Variants in CAMSAP3 observed in about 807,000 individuals in gnomAD.
CAMSAP3 encodes calmodulin-regulated spectrin-associated protein 3.
CAMSAP3 carries 34 observed loss-of-function variants against 112.5 expected under a neutral mutation model. The observed-to-expected ratio is 0.30, with a 90% CI of 0.23 to 0.40. CAMSAP3 has a LOEUF of 0.40. Ranked by LOEUF, CAMSAP3 falls within the 10% of genes least tolerant of loss-of-function variation. The pLI, the probability that CAMSAP3 is intolerant of heterozygous loss-of-function variation, is 1.00. For synonymous variants in CAMSAP3, 868 were observed against 799.8 expected (o/e 1.09, Z -1.44); for missense variants, 1,602 against 1,770.3 (o/e 0.90, Z 1.71).
chr19:7,609,778 C>T (rs1341768964), intron 5 of CAMSAP3, among the ~76,000 whole-genome samples: 3 of 152,278 alleles, frequency 2.0e-5, no homozygotes, highest in East Asian at 1.9e-4. Context: ...GACAGATCAT[C>T]AGGCATTCGA....
Position 7,616,746 on chromosome 19 carries a change from A to T in CAMSAP3, c.3212+124A>T, listed in dbSNP as rs1467356021. On this transcript the variant is annotated intron_variant, in intron 14 of 16. Coordinates refer to ENST00000160298, the MANE Select transcript of CAMSAP3 (RefSeq NM_020902.2). ...TCGAGTTTATGGATACGCCATGAAG[A>T]GATGGAGGGACGCGTGTGGGCACGT... is the stretch of plus-strand genomic sequence containing the variant. 1.0e-5 allele frequency: 7 copies of T among 689,734 alleles called. No homozygotes were observed. The Admixed American group carries it at 1.5e-4, about 15-fold the overall frequency. 42.7% of individuals were successfully genotyped at this position (689,734 alleles called of 1,614,324 possible).
At chr19:7,606,734 G>A in intron 4 of CAMSAP3, 163 bp downstream of exon 4, 1 of 1,613,416 alleles carries the variant, frequency 6.2e-7, no homozygotes, top group East Asian at 2.2e-5. Context: ...CCCGTCCCCT[G>A]TGCCGGTACC....
chr19:7,595,904 G>A lies in CAMSAP3; in HGVS notation c.-99G>A, dbSNP rs1331228867. The stretch of plus-strand genomic sequence containing the variant: ...CGGCGGCGGCGGCGGCGGCGGCAGC[G>A]GCGGTAGCAGCAGCGGGCCCGGCTG... On this transcript the variant is annotated 5_prime_UTR_variant, in exon 1 of 17. Coordinates refer to ENST00000160298, the MANE Select transcript of CAMSAP3 (RefSeq NM_020902.2). The A allele has an allele frequency of 2.8e-4, 148 of 533,752 alleles. No homozygotes were observed. The highest frequency in any genetic ancestry group is 1.1e-3 in the South Asian group (15 of 13,194). The allele number at this position is 533,752 out of a possible 1,614,324, so 33.1% of individuals were successfully genotyped here.
Position 7,615,602 on chromosome 19 carries a change from C to T in CAMSAP3, c.2995C>T (p.Arg999Trp). 6.8e-7 allele frequency: 1 copy of T among 1,468,882 alleles called. No individual in the cohort carries two copies. The highest frequency in any genetic ancestry group is 2.6e-5 in the East Asian group (1 of 38,614). 91.0% of individuals were successfully genotyped at this position (1,468,882 alleles called of 1,614,324 possible). The stretch of plus-strand genomic sequence containing the variant: ...GATGGACGACCTCGATAAGGTGCTG[C>T]GGCCCCGGGCTGCGGGGTCCGGGGG... Reference protein sequence around the residue: ...KLMDDLDKVLRPRAAGSGGPG... With the variant: ...KLMDDLDKVLWPRAAGSGGPG... Residue 999 changes from arginine to tryptophan, a missense_variant, in exon 13 of 17, where the codon CGG becomes TGG. Physicochemically the swap from Arg to Trp is moderately radical, Grantham distance 101. Transcript: ENST00000160298. The surrounding 1 kb of genome is among the most constrained non-coding windows in gnomAD (Gnocchi z 6.5).
rs1291640198 is a variant in CAMSAP3 at position 7,606,622 on chromosome 19, G to A, written c.621+51G>A. The A allele has an allele frequency of 4.6e-6, 7 of 1,522,512 alleles. No homozygotes were observed. In the South Asian group the frequency reaches 8.4e-5, roughly 18 times the overall value. 94.3% of individuals were successfully genotyped at this position (1,522,512 alleles called of 1,614,324 possible). ...GAAGGATGGGGGACCGGAGATCTGGGAGGGCAGGGCTGTGCTTCCTGGACA... is the reference window on the plus strand; with the variant it reads ...GAAGGATGGGGGACCGGAGATCTGGAAGGGCAGGGCTGTGCTTCCTGGACA... On this transcript the variant is annotated intron_variant, in intron 4 of 16. Transcript: ENST00000160298.
chr19:7,614,878 T>G, intron 11 of CAMSAP3: 1 of 507,632 alleles, frequency 2.0e-6, no homozygotes, highest in South Asian at 2.2e-5. Flanking sequence ...GCCGGGGTCC[T>G]CCCGCAGTGT....
chr19:7,607,974 C>T lies in CAMSAP3; in HGVS notation c.622-152C>T. The T allele has an allele frequency of 1.1e-6, 1 of 951,708 alleles. No homozygotes were observed. The highest frequency in any genetic ancestry group is 2.6e-4 in the Middle Eastern group (1 of 3,784). The allele number at this position is 951,708 out of a possible 1,614,324, so 59.0% of individuals were successfully genotyped here. A position where few individuals can be genotyped will look rare whatever the true frequency, so the allele number is the denominator to read the frequency against. Reference sequence around the variant, plus strand: ...CTCTGCCTCTTGCTGCTGCCCCTCCCCTGCTCCAGGCTGGCCCCCCAACTC... The same window carrying T: ...CTCTGCCTCTTGCTGCTGCCCCTCCTCTGCTCCAGGCTGGCCCCCCAACTC... On this transcript the variant is annotated intron_variant, in intron 4 of 16. Transcript: ENST00000160298. This position sits in a 1 kb window ranked among gnomAD's most constrained non-coding sequence, Gnocchi z 4.9.
At chr19:7,596,278 C>T in intron 1 of CAMSAP3, 128 bp downstream of exon 1, 1 of 350,000 alleles carries the variant, frequency 2.9e-6, no homozygotes, top group Non-Finnish European at 4.1e-6. Flanking sequence ...CCGGGGGTCC[C>T]CGGGCTCGGG....
At position 7,606,393 on chromosome 19, in the gene CAMSAP3, G is replaced by A; in HGVS notation, c.525G>A (p.Thr175=). The part of the protein sequence containing the change: ...LEHKLLFWVD[T]TVRRLQEKTE... Reference sequence around the variant, plus strand: ...ACAAGCTGCTTTTCTGGGTGGACACGGTAGGTGGGGTTGGGCCTGGGGTGG... The same window carrying A: ...ACAAGCTGCTTTTCTGGGTGGACACAGTAGGTGGGGTTGGGCCTGGGGTGG... The change falls in exon 3 of 17, where the codon ACG becomes ACA. Residue 175 remains threonine (T), a splice_region_variant and synonymous_variant. Coordinates refer to ENST00000160298, the MANE Select transcript of CAMSAP3 (RefSeq NM_020902.2). The A allele has an allele frequency of 2.5e-6, 4 of 1,613,650 alleles. No individual in the cohort carries two copies. Among genetic ancestry groups the A allele is most frequent in the Non-Finnish European group, 3.4e-6 (4 of 1,180,006 alleles).
chr19:7,607,108 G>C lies in CAMSAP3; in HGVS notation c.621+537G>C, dbSNP rs1225722483. On this transcript the variant is annotated intron_variant, in intron 4 of 16. Coordinates refer to ENST00000160298, the MANE Select transcript of CAMSAP3 (RefSeq NM_020902.2). This position sits in a 1 kb window ranked among gnomAD's most constrained non-coding sequence, Gnocchi z 4.9. Reference sequence around the variant, plus strand: ...CCCTCCCCGTTCCCATTAATGAAGAGGGTGGGACCCCCTGAACCTGTCCCC... The same window carrying C: ...CCCTCCCCGTTCCCATTAATGAAGACGGTGGGACCCCCTGAACCTGTCCCC... Among the ~76,000 whole-genome samples, 4 of 152,130 alleles carry C rather than the reference G, an allele frequency of 2.6e-5. No individual in the cohort carries two copies.
intron 1 of CAMSAP3, among the ~76,000 whole-genome samples, chr19:7,598,210 AG>A (rs2024476635): frequency 6.6e-6 from 1 of 152,154 alleles, no homozygotes; most frequent in East Asian, 1.9e-4. Context: ...GAGATCCCAC[AG>A]GTGGAAAGAT....
At chr19:7,601,423 AT>A (rs1277564031) in intron 1 of CAMSAP3, among the ~76,000 whole-genome samples, 4 of 151,928 alleles carry the variant, frequency 2.6e-5, no homozygotes, top group African/African-American at 9.7e-5. Flanking sequence ...GGTTCAAGTG[AT>A]TCTCGTGCCT....
In CAMSAP3 at chr19:7,612,708, C is replaced by T. The variant is rs1221261462; in HGVS notation, c.2215C>T (p.Pro739Ser). Residue 739 changes from proline (P) to serine (S), a missense_variant, in exon 11 of 17, where the codon CCA (proline) becomes TCA (serine). Physicochemically the swap from Pro to Ser is moderately conservative, Grantham distance 74 (BLOSUM62 -1). Around this residue, in one of 6 missense-constraint regions of CAMSAP3, gnomAD observed 1,100 missense variants for 1,135.7 expected, o/e 0.97. Coordinates refer to ENST00000160298, the MANE Select transcript of CAMSAP3 (RefSeq NM_020902.2). ...APPEAPGSAP[P>S]PAAWVIPGPT... The stretch of plus-strand genomic sequence containing the variant: ...GCCCGAGGCCCCCGGATCCGCCCCA[C>T]CACCTGCTGCGTGGGTCATCCCTGG... 2.6e-6 allele frequency: 4 copies of T among 1,525,134 alleles called. No homozygotes were observed. Among genetic ancestry groups the T allele is most frequent in the Non-Finnish European group, 8.8e-7 (1 of 1,140,296 alleles). The allele number at this position is 1,525,134 out of a possible 1,614,324, so 94.5% of individuals were successfully genotyped here.
At position 7,605,346 on chromosome 19, in the gene CAMSAP3, A is replaced by G; in HGVS notation, c.269A>G (p.Gln90Arg). 3.7e-6 allele frequency: 6 copies of G among 1,607,636 alleles called. No homozygotes were observed. The highest frequency in any genetic ancestry group is 5.1e-6 in the Non-Finnish European group (6 of 1,176,680). ...GAGCTCTACTGCAGAGCCTGGCGCC[A>G]GGCACTGCCACAGCTTGAAACACCC... Reference protein sequence around the residue: ...SAELYCRAWRQALPQLETPPN... With the variant: ...SAELYCRAWRRALPQLETPPN... The change falls in exon 2 of 17, where the codon CAG becomes CGG. Residue 90 changes from glutamine to arginine, a missense_variant. By Grantham distance (43) the Gln-to-Arg change is conservative (BLOSUM62 1). This residue lies in a region of CAMSAP3 where 147 missense variants were observed against 144.6 expected (regional missense o/e 1.02). Transcript: ENST00000160298.
At position 7,612,889 on chromosome 19, in the gene CAMSAP3, C is replaced by A; in HGVS notation, c.2396C>A (p.Thr799Lys). ...LRLAPLTRVL[T>K]PPHDVDSLPH... ...CTGGCACCCTTGACCAGGGTGCTTA[C>A]GCCACCCCACGACGTAGACAGCCTC... The change falls in exon 11 of 17, where the codon ACG (threonine) becomes AAG (lysine). Residue 799 changes from threonine to lysine, a missense_variant. Physicochemically the swap from Thr to Lys is moderately conservative, Grantham distance 78 (BLOSUM62 -1). Transcript: ENST00000160298. 6.2e-7 allele frequency: 1 copy of A among 1,607,902 alleles called. No individual in the cohort carries two copies. The highest frequency in any genetic ancestry group is 8.5e-7 in the Non-Finnish European group (1 of 1,178,710).
At chr19:7,604,134 C>CA (rs1450509954) in intron 1 of CAMSAP3, among the ~76,000 whole-genome samples, 2 of 152,044 alleles carry the variant, frequency 1.3e-5, no homozygotes, top group African/African-American at 4.8e-5. Context: ...CTCTTATCTC[C>CA]AAAAAACCGC....
chr19:7,608,206 T>C lies in CAMSAP3; in HGVS notation c.702T>C (p.Ser234=). The C allele has an allele frequency of 6.2e-7, 1 of 1,612,668 alleles. No individual in the cohort carries two copies. Among genetic ancestry groups the C allele is most frequent in the Non-Finnish European group, 8.5e-7 (1 of 1,179,924 alleles). Reference sequence around the variant, plus strand: ...TGACCAGCCTCCAGGACCTGGCCAGTGGGGCCGCGCTGGCCGCCACCATCC... The same window carrying C: ...TGACCAGCCTCCAGGACCTGGCCAGCGGGGCCGCGCTGGCCGCCACCATCC... ...PTVTSLQDLA[S]GAALAATIHC... The change falls in exon 5 of 17, where the codon AGT becomes AGC. Residue 234 remains serine, a synonymous_variant. Coordinates refer to ENST00000160298, the MANE Select transcript of CAMSAP3 (RefSeq NM_020902.2).
intron 11 of CAMSAP3, among the ~76,000 whole-genome samples, chr19:7,613,808 G>T (rs1056809233): frequency 2.0e-5 from 3 of 152,056 alleles, no homozygotes; most frequent in Non-Finnish European, 2.9e-5. Flanking sequence ...TCCTGGCCCT[G>T]CCCTGTGTCC....
At chr19:7,598,438 G>A (rs555014477) in intron 1 of CAMSAP3, among the ~76,000 whole-genome samples, 23 of 152,244 alleles carry the variant, frequency 1.5e-4, no homozygotes, top group African/African-American at 5.3e-4. Flanking sequence ...GACAGTGTTG[G>A]GAACTGACAA....
Sources: allele counts gnomAD v4.1 joint callset (sites outside exome capture counted in the v4.1 genomes callset), GRCh38; gene constraint gnomAD v4.1.1; regional missense constraint gnomAD v4.1.1; non-coding constraint Gnocchi (gnomAD v3.1); transcripts MANE v1.5; gene names NCBI Gene and HGNC (gene_info 2026-07-23, HGNC 2026-07-21).